Variants in RPP30 observed in about 807,000 individuals in gnomAD.
RPP30 encodes the protein ribonuclease P/MRP subunit p30, also known as ribonuclease P protein subunit p30.
Under a neutral mutation model 38.6 loss-of-function variants are expected in RPP30, and 36 were observed. The observed-to-expected ratio is 0.93, with a 90% CI of 0.71 to 1.23. RPP30 has a LOEUF of 1.23. Among genes scored for constraint, RPP30 ranks in the 50% most tolerant of loss-of-function variants. The pLI is 0.00. For missense variants in RPP30, 321 were observed against 321.7 expected, an observed-to-expected ratio of 1.00 and a Z score of 0.02; for synonymous variants, 126 against 112.7, an observed-to-expected ratio of 1.12 and a Z score of -0.75.
rs548527700 is a variant in RPP30 at position 90,890,480 on chromosome 10, C to T, written c.433-4295C>T. Among the ~76,000 whole-genome samples, 8 of 152,200 alleles carry T rather than the reference C, an allele frequency of 5.3e-5. No homozygotes were observed. In the South Asian group the frequency reaches 1.0e-3, roughly 20 times the overall value. On this transcript the variant is annotated intron_variant, in intron 6 of 10. Coordinates refer to ENST00000371703, the MANE Select transcript of RPP30 (RefSeq NM_006413.5). ...TTTAACCCTAATCCATTTCTGTCTTCGTGGTCCGATTACTCCCCACTGAGA... is the reference window on the plus strand; with the variant it reads ...TTTAACCCTAATCCATTTCTGTCTTTGTGGTCCGATTACTCCCCACTGAGA...
intron 6 of RPP30, among the ~76,000 whole-genome samples, chr10:90,892,621 AT>A (rs1459778928): frequency 1.3e-4 from 20 of 152,198 alleles, no homozygotes; most frequent in Admixed American, 1.1e-3. Context: ...CACCTCTTTC[AT>A]TTATTTCCCC....
At chr10:90,896,649 G>A (rs796992570) in intron 10 of RPP30, among the ~76,000 whole-genome samples, 19 of 152,242 alleles carry the variant, frequency 1.2e-4, no homozygotes, top group African/African-American at 2.9e-4. Context: ...TGCTCCTGCC[G>A]ACATTTTGAT....
intron 6 of RPP30, among the ~76,000 whole-genome samples, chr10:90,894,288 A>G (rs1217713663): frequency 6.6e-6 from 1 of 152,196 alleles, no homozygotes; most frequent in Non-Finnish European, 1.5e-5. Flanking sequence ...TCTTCAACAT[A>G]TAGAGAATAA....
intron 7 of RPP30, 134 bp downstream of exon 7, chr10:90,895,025 A>G (rs1439893017): frequency 1.3e-6 from 1 of 762,018 alleles, no homozygotes; most frequent in South Asian, 1.4e-5. Flanking sequence ...CTGCCATTTC[A>G]GTGAGCTCTG....
chr10:90,895,333 C>G (rs1377513604), intron 7 of RPP30, 121 bp from the exon 8 acceptor site: 1 of 601,416 alleles, frequency 1.7e-6, no homozygotes, highest in African/African-American at 2.0e-5. Context: ...TTTACCTTAT[C>G]TTTAAAAGAA....
chr10:90,892,904 T>C (rs1847099995), intron 6 of RPP30, among the ~76,000 whole-genome samples: 1 of 152,228 alleles, frequency 6.6e-6, no homozygotes, highest in Non-Finnish European at 1.5e-5. Flanking sequence ...ACTCAAAATA[T>C]AAATATATTA....
intron 10 of RPP30, among the ~76,000 whole-genome samples, chr10:90,897,074 C>T (rs79242643): frequency 3.9e-4 from 60 of 152,214 alleles, no homozygotes; most frequent in Non-Finnish European, 7.2e-4. Context: ...ATTTTTTACT[C>T]ACATTTTGTA....
At position 90,896,336 on chromosome 10, in the gene RPP30, A is replaced by C; in HGVS notation, c.641A>C (p.Glu214Ala). ...AGAGGCTTGCTGTTTGGGCTCTCTGAAAGTGACGCCAAGGCTGCGGTGTCC... is the reference window on the plus strand; with the variant it reads ...AGAGGCTTGCTGTTTGGGCTCTCTGCAAGTGACGCCAAGGCTGCGGTGTCC... ...ANLGLLFGLS[E>A]SDAKAAVSTN... The change falls in exon 10 of 11, where the codon GAA (glutamate) becomes GCA (alanine). Residue 214 changes from glutamate (E) to alanine (A), a missense_variant. Glu to Ala is a moderately radical substitution (Grantham distance 107). Transcript: ENST00000371703. 1 of 1,614,096 alleles carries C rather than the reference A, an allele frequency of 6.2e-7. No homozygotes were observed. The highest frequency in any genetic ancestry group is 8.5e-7 in the Non-Finnish European group (1 of 1,179,974).
chr10:90,896,218 CAA>C, intron 9 of RPP30, 93 bp from the exon 10 acceptor site: 1 of 1,067,488 alleles, frequency 9.4e-7, no homozygotes, highest in East Asian at 2.4e-5. Flanking sequence ...ATTAGCCTCT[CAA>C]GATGACCAGG....
At chr10:90,889,481 T>C (rs1305436435) in intron 6 of RPP30, among the ~76,000 whole-genome samples, 3 of 151,762 alleles carry the variant, frequency 2.0e-5, no homozygotes, top group African/African-American at 7.3e-5. Context: ...GGCTAATTTT[T>C]TTTTTATTTT....
chr10:90,890,757 A>T (rs555155972), intron 6 of RPP30, among the ~76,000 whole-genome samples: 1 of 152,180 alleles, frequency 6.6e-6, no homozygotes, highest in Non-Finnish European at 1.5e-5. Flanking sequence ...CACTCATGTC[A>T]TAGACAAAAT....
chr10:90,879,274 C>A, intron 5 of RPP30, 140 bp downstream of exon 5: 1 of 644,130 alleles, frequency 1.6e-6, no homozygotes, highest in Non-Finnish European at 2.7e-6. Context: ...TCTAGAACCC[C>A]ATAAGGGTAT....
intron 6 of RPP30, among the ~76,000 whole-genome samples, chr10:90,889,616 C>T (rs1847049521): frequency 6.6e-6 from 1 of 152,058 alleles, no homozygotes; most frequent in Admixed American, 6.6e-5. Context: ...ACGATGTGGG[C>T]CCTTTTCTTT....
At chr10:90,899,645 A>G (rs189909380) in intron 10 of RPP30, among the ~76,000 whole-genome samples, 3 of 152,230 alleles carry the variant, frequency 2.0e-5, no homozygotes, top group Non-Finnish European at 4.4e-5. Flanking sequence ...AAACTATTTT[A>G]CCTAGGTTCT....
downstream of RPP30, among the ~76,000 whole-genome samples, chr10:90,903,893 A>G (rs999780371): frequency 6.6e-6 from 1 of 152,252 alleles, no homozygotes; most frequent in Non-Finnish European, 1.5e-5. Context: ...AAGAGAATAA[A>G]GGGAAAATAA....
At chr10:90,875,993 G>A in intron 3 of RPP30, 31 bp from the exon 4 acceptor site, 1 of 1,212,276 alleles carries the variant, frequency 8.2e-7, no homozygotes, top group Non-Finnish European at 1.2e-6. Context: ...TGTCTTTTGT[G>A]CTTTTTTGAC....
At chr10:90,881,881 C>G (rs1031209995) in intron 5 of RPP30, among the ~76,000 whole-genome samples, 15 of 152,258 alleles carry the variant, frequency 9.9e-5, no homozygotes, top group African/African-American at 3.6e-4. Context: ...CACACACAGA[C>G]AGACACATGT....
intron 6 of RPP30, among the ~76,000 whole-genome samples, chr10:90,891,086 A>G (rs916685611): frequency 6.6e-6 from 1 of 152,208 alleles, no homozygotes; most frequent in Non-Finnish European, 1.5e-5. Context: ...ACAACTATTC[A>G]AATTACAAAT....
chr10:90,889,216 G>T (rs986302555), intron 6 of RPP30, among the ~76,000 whole-genome samples: 1 of 151,838 alleles, frequency 6.6e-6, no homozygotes, highest in East Asian at 1.9e-4. Context: ...CTTGGTCCTT[G>T]CATGTTCCCT....
Sources: allele counts gnomAD v4.1 joint callset (sites outside exome capture counted in the v4.1 genomes callset), GRCh38; gene constraint gnomAD v4.1.1; transcripts MANE v1.5; gene names NCBI Gene and HGNC (gene_info 2026-07-23, HGNC 2026-07-21).